CYREN: variants seen among roughly 807,000 people sequenced by gnomAD.
The protein encoded by CYREN is cell cycle regulator of non-homologous end joining.
In CYREN, 7 loss-of-function variants were observed where a neutral mutation model predicts 9.7. The observed-to-expected ratio is 0.72, with a 90% CI of 0.41 to 1.36. The LOEUF (loss-of-function observed/expected upper bound fraction) is 1.36. Among genes scored for constraint, CYREN ranks in the 40% most tolerant of loss-of-function variants. CYREN has a pLI of 0.01. For synonymous variants in CYREN, 76 were observed against 77.9 expected (o/e 0.98, Z 0.13); for missense variants, 215 against 198.1 (o/e 1.09, Z -0.51).
intron 2 of CYREN, among the ~76,000 whole-genome samples, chr7:135,095,128 G>A (rs1822466912): frequency 6.6e-6 from 1 of 152,162 alleles, no homozygotes; most frequent in Non-Finnish European, 1.5e-5. Context: ...CCTATTTTCG[G>A]GGAGGGATAT....
At chr7:135,129,087 G>T in intron 2 of CYREN, 1 of 1,600,412 alleles carries the variant, frequency 6.2e-7, no homozygotes, top group Non-Finnish European at 8.6e-7. Flanking sequence ...CCCTTCAGTG[G>T]CCACTACTGG....
chr7:135,156,526 T>A (rs1829798081), intron 2 of CYREN, among the ~76,000 whole-genome samples: 1 of 152,056 alleles, frequency 6.6e-6, no homozygotes, highest in African/African-American at 2.4e-5. Flanking sequence ...TGTATTTCCT[T>A]CAATGAATTT....
intron 2 of CYREN, among the ~76,000 whole-genome samples, chr7:135,127,515 T>C (rs1828055305): frequency 6.7e-6 from 1 of 150,324 alleles, no homozygotes; most frequent in South Asian, 2.1e-4. Context: ...ATTGCACCAC[T>C]GCACTCCAGC....
At chr7:135,140,619 G>C (rs776948427) in intron 2 of CYREN, among the ~76,000 whole-genome samples, 1 of 151,998 alleles carries the variant, frequency 6.6e-6, no homozygotes, top group Admixed American at 6.6e-5. Context: ...TGGTGCAAGT[G>C]GACATCCTTG....
In CYREN at chr7:135,106,952, A is replaced by G. The variant is rs149580115; in HGVS notation, n.357-12370T>C. Among the ~76,000 whole-genome samples the G allele has an allele frequency of 3.0e-3, 451 of 152,184 alleles. 6 individuals carry two copies. In the East Asian group the frequency reaches 0.043, roughly 14 times the overall value. ...CTGGTTCAGTCTTGGGAGGGTGTAT[A>G]TATCCAGGAATTTATCCATCTCTTC... On this transcript the variant is annotated intron_variant and non_coding_transcript_variant, in intron 2 of 2. Coordinates refer to the CYREN transcript ENST00000459937.
chr7:135,116,769 G>C (rs898955289), intron 2 of CYREN, among the ~76,000 whole-genome samples: 4 of 152,166 alleles, frequency 2.6e-5, no homozygotes, highest in African/African-American at 9.7e-5. Flanking sequence ...TGAGGGCACT[G>C]TTTATCTGTG....
At chr7:135,095,383 C>T (rs554561275) in intron 2 of CYREN, among the ~76,000 whole-genome samples, 11 of 152,286 alleles carry the variant, frequency 7.2e-5, no homozygotes, top group Admixed American at 2.0e-4. Context: ...TCTGATAAGT[C>T]GTTCTTTGGA....
At chr7:135,152,036 C>G (rs890761100) in intron 2 of CYREN, among the ~76,000 whole-genome samples, 1 of 152,214 alleles carries the variant, frequency 6.6e-6, no homozygotes, top group African/African-American at 2.4e-5. Flanking sequence ...AGTTTTCTCT[C>G]TATCGTAGTA....
intron 2 of CYREN, among the ~76,000 whole-genome samples, chr7:135,146,291 T>C (rs565956375): frequency 6.6e-6 from 1 of 152,278 alleles, no homozygotes; most frequent in East Asian, 1.9e-4. Flanking sequence ...TCAATTAAGT[T>C]CACCGTCATA....
chr7:135,148,225 C>A, intron 2 of CYREN: 1 of 411,980 alleles, frequency 2.4e-6, no homozygotes. Flanking sequence ...TGATTTCCTG[C>A]TTCTCCTTTT....
chr7:135,102,730 T>G (rs1824037740), intron 2 of CYREN, among the ~76,000 whole-genome samples: 2 of 151,286 alleles, frequency 1.3e-5, no homozygotes, highest in Non-Finnish European at 2.9e-5. Context: ...CATATAAAAA[T>G]TAACCCTAAC....
downstream of CYREN, chr7:135,165,379 T>C (rs551458690): frequency 2.1e-5 from 4 of 194,256 alleles, no homozygotes; most frequent in South Asian, 6.2e-4. Context: ...AATGCCAAAA[T>C]GAAACCTAGC....
chr7:135,125,435 C>G (rs1362633051), intron 2 of CYREN, among the ~76,000 whole-genome samples: 1 of 152,022 alleles, frequency 6.6e-6, no homozygotes, highest in Non-Finnish European at 1.5e-5. Context: ...CAGAACCAGA[C>G]GGATTCACGG....
chr7:135,166,858 T>C lies in CYREN; in HGVS notation c.227A>G (p.Glu76Gly). 6.2e-7 allele frequency: 1 copy of C among 1,613,628 alleles called. No homozygotes were observed. The highest frequency in any genetic ancestry group is 8.5e-7 in the Non-Finnish European group (1 of 1,179,602). Residue 76 changes from glutamate (E) to glycine (G), a missense_variant, in exon 4 of 4, where the codon GAA (glutamate) becomes GGA (glycine). Coordinates refer to ENST00000393114, the MANE Select transcript of CYREN (RefSeq NM_024033.4). Reference sequence around the variant, plus strand: ...CAGGGCCGGCTGCTCGCAGGCCTTTTCCTGTTTGCGGCTCTGTGGAGTACG... The same window carrying C: ...CAGGGCCGGCTGCTCGCAGGCCTTTCCCTGTTTGCGGCTCTGTGGAGTACG... ...LGILIESRKQ[E>G]KACEQPALAG...
chr7:135,111,919 G>A (rs1384772711), intron 2 of CYREN, among the ~76,000 whole-genome samples: 1 of 151,990 alleles, frequency 6.6e-6, no homozygotes, highest in African/African-American at 2.4e-5. Context: ...TCTGCCTACT[G>A]GATATCGCCA....
chr7:135,167,454 T>A (rs1419237062), intron 3 of CYREN: 1 of 1,296,080 alleles, frequency 7.7e-7, no homozygotes, highest in East Asian at 3.2e-5. Flanking sequence ...CCCATCCACA[T>A]ACACACCAGT....
intron 2 of CYREN, among the ~76,000 whole-genome samples, chr7:135,127,970 T>G (rs1828123847): frequency 6.6e-6 from 1 of 152,056 alleles, no homozygotes. Context: ...TGTGGCCATA[T>G]ACACCATGGA....
intron 2 of CYREN, among the ~76,000 whole-genome samples, chr7:135,141,190 G>A (rs1426929498): frequency 6.6e-6 from 1 of 151,942 alleles, no homozygotes; most frequent in Non-Finnish European, 1.5e-5. Context: ...ATGGTCCAGG[G>A]CCTTTTCTGG....
intron 2 of CYREN, among the ~76,000 whole-genome samples, chr7:135,117,501 G>A (rs1826490657): frequency 1.3e-5 from 2 of 152,198 alleles, no homozygotes; most frequent in Non-Finnish European, 2.9e-5. Flanking sequence ...AGCAAAGTGT[G>A]ATCTTCTCAT....
Sources: allele counts gnomAD v4.1 joint callset (sites outside exome capture counted in the v4.1 genomes callset), GRCh38; gene constraint gnomAD v4.1.1; transcripts MANE v1.5; gene names NCBI Gene and HGNC (gene_info 2026-07-23, HGNC 2026-07-21).